Variants in APC observed in about 807,000 individuals in gnomAD.
The protein encoded by APC is adenomatous polyposis coli protein.
A neutral mutation model predicts 247.0 loss-of-function variants in APC; 72 were observed. The ratio of observed to expected loss-of-function variants is 0.29; its 90% CI spans 0.24 to 0.35. The LOEUF is 0.35. Ranked by LOEUF, APC falls within the 10% of genes least tolerant of loss-of-function variation. The probability of loss-of-function intolerance (pLI) is 1.00; values close to 1 mark genes in which losing one functional copy is unlikely to be tolerated. For synonymous variants in APC, 1,254 were observed against 1,162.5 expected (o/e 1.08, Z -1.60); for missense variants, 3,400 against 3,360.7 (o/e 1.01, Z -0.29).
chr5:112,813,252 T>A (rs1762160335), intron 8 of APC, among the ~76,000 whole-genome samples: 1 of 152,222 alleles, frequency 6.6e-6, no homozygotes, highest in African/African-American at 2.4e-5. Flanking sequence ...AATGTAGTTT[T>A]CTCTTTAAAA....
At chr5:112,814,046 G>T (rs1456498873) in intron 8 of APC, among the ~76,000 whole-genome samples, 1 of 152,130 alleles carries the variant, frequency 6.6e-6, no homozygotes, top group Non-Finnish European at 1.5e-5. Context: ...ATATTCTGTG[G>T]ATACCTACTA....
intron 1 of APC, among the ~76,000 whole-genome samples, chr5:112,724,551 C>T (rs1171656839): frequency 1.4e-5 from 2 of 144,688 alleles, no homozygotes; most frequent in Non-Finnish European, 3.0e-5. Context: ...ATACGTAATC[C>T]CAAGTGTGTG....
At chr5:112,762,418 C>A (rs1561455877) in intron 2 of APC, among the ~76,000 whole-genome samples, 1 of 152,182 alleles carries the variant, frequency 6.6e-6, no homozygotes, top group Non-Finnish European at 1.5e-5. Flanking sequence ...TAATAGCCTG[C>A]AGACTGGTAA....
intron 1 of APC, among the ~76,000 whole-genome samples, chr5:112,745,572 A>ATTT (rs908708175): frequency 1.3e-5 from 2 of 149,522 alleles, no homozygotes; most frequent in Admixed American, 1.3e-4. Context: ...TATTATTATT[A>ATTT]TTATTTTTTG....
At chr5:112,770,557 AG>A (rs892534066) in intron 4 of APC, among the ~76,000 whole-genome samples, 3 of 152,146 alleles carry the variant, frequency 2.0e-5, no homozygotes, top group African/African-American at 7.2e-5. Context: ...GGAGAGAAAG[AG>A]GTATCAACAT....
intron 1 of APC, among the ~76,000 whole-genome samples, chr5:112,720,770 TTA>T (rs1395374625): frequency 1.3e-5 from 2 of 152,130 alleles, no homozygotes; most frequent in Non-Finnish European, 2.9e-5. Flanking sequence ...CCTTTGATGT[TTA>T]TAGTTGTGAA....
At chr5:112,726,912 T>G (rs1035421816) in intron 1 of APC, among the ~76,000 whole-genome samples, 8 of 152,176 alleles carry the variant, frequency 5.3e-5, no homozygotes, top group Non-Finnish European at 1.2e-4. Flanking sequence ...TTTATTAGAT[T>G]GTCCTGATTT....
chr5:112,761,563 A>C lies in APC; in HGVS notation c.136-4763A>C, dbSNP rs975881342. On this transcript the variant is annotated intron_variant, in intron 2 of 15. Transcript: ENST00000257430. ...TGAGAAGACAGAATTAGTGAACTTG[A>C]AAAAAGATCAGTAGAAAATATTCAA... 3.3e-5 allele frequency among the ~76,000 whole-genome samples: 5 copies of C among 152,214 alleles called. No individual in the cohort carries two copies. In the South Asian group the frequency reaches 1.0e-3, roughly 32 times the overall value.
rs183518509 is a variant in APC at position 112,755,588 on chromosome 5, C to T, written c.135+563C>T. On this transcript the variant is annotated intron_variant, in intron 2 of 15. Coordinates refer to ENST00000257430, the MANE Select transcript of APC (RefSeq NM_000038.6). ...TTATTTGGCAAGTACAGGCATCACA[C>T]TAGTCTAGATGATTTCCATGGCACC... 3.3e-5 allele frequency among the ~76,000 whole-genome samples: 5 copies of T among 152,292 alleles called. No individual in the cohort carries two copies. In the East Asian group the frequency reaches 9.6e-4, roughly 29 times the overall value.
At position 112,839,326 on chromosome 5, in the gene APC, A is replaced by G. The variant is rs74380081; in HGVS notation, c.3732A>G (p.Gln1244=). Reference sequence around the variant, plus strand: ...CACAGAGTAGAAGTGGTCAGCCTCAAAAGGCTGCCACTTGCAAAGTTTCTT... The same window carrying G: ...CACAGAGTAGAAGTGGTCAGCCTCAGAAGGCTGCCACTTGCAAAGTTTCTT... ...SSAQSRSGQP[Q]KAATCKVSSI... Residue 1244 remains glutamine, a synonymous_variant, in exon 16 of 16, where the codon CAA becomes CAG. Coordinates refer to ENST00000257430, the MANE Select transcript of APC (RefSeq NM_000038.6). The surrounding 1 kb of genome is among the most constrained non-coding windows in gnomAD (Gnocchi z 5.0). 3,168 of 1,613,316 alleles carry G rather than the reference A, an allele frequency of 2.0e-3. 57 individuals carry two copies. In the African/African-American group the frequency reaches 0.036, roughly 18 times the overall value.
At chr5:112,779,634 A>T (rs946433374) in intron 5 of APC, among the ~76,000 whole-genome samples, 4 of 152,214 alleles carry the variant, frequency 2.6e-5, no homozygotes, top group Non-Finnish European at 5.9e-5. Context: ...TCAGATCTAA[A>T]CCACATTATT....
chr5:112,788,666 A>C (rs551972015), intron 6 of APC, among the ~76,000 whole-genome samples: 1 of 152,092 alleles, frequency 6.6e-6, no homozygotes. Context: ...GGTTTTGTCA[A>C]ATTCTTCACA....
intron 1 of APC, among the ~76,000 whole-genome samples, chr5:112,708,739 T>C (rs192632238): frequency 6.6e-5 from 10 of 152,366 alleles, no homozygotes; most frequent in Admixed American, 1.3e-4. Context: ...AAAAGCTTTT[T>C]AAGTTCAAAA....
intron 6 of APC, among the ~76,000 whole-genome samples, chr5:112,786,420 G>A (rs951256860): frequency 6.6e-6 from 1 of 152,130 alleles, no homozygotes; most frequent in African/African-American, 2.4e-5. Flanking sequence ...TAACTGCATG[G>A]TTATTTATTT....
At chr5:112,837,126 C>G (rs1356263589) in intron 15 of APC, among the ~76,000 whole-genome samples, 1 of 152,202 alleles carries the variant, frequency 6.6e-6, no homozygotes, top group Non-Finnish European at 1.5e-5. Context: ...AATCTTCAAT[C>G]AATTCTATCT....
Position 112,819,063 on chromosome 5 carries a change from G to C in APC, c.1031G>C (p.Cys344Ser), listed in dbSNP as rs786201840. The C allele has an allele frequency of 6.2e-7, 1 of 1,614,086 alleles. No individual in the cohort carries two copies. Among genetic ancestry groups the C allele is most frequent in the Non-Finnish European group, 8.5e-7 (1 of 1,179,996 alleles). ...LLAMSSSQDSCISMRQSGCLP... is the reference protein window; with the variant it reads ...LLAMSSSQDSSISMRQSGCLP... ...GCTATGTCTAGCTCCCAAGACAGCT[G>C]TATATCCATGCGACAGTCTGGATGT... The change falls in exon 10 of 16, where the codon TGT becomes TCT. Residue 344 changes from cysteine (C) to serine (S), a missense_variant. This residue lies in a region of APC where 199 missense variants were observed against 212.5 expected (regional missense o/e 0.94). Transcript: ENST00000257430.
chr5:112,795,156 A>T (rs2149693547), intron 7 of APC, among the ~76,000 whole-genome samples: 1 of 152,248 alleles, frequency 6.6e-6, no homozygotes, highest in South Asian at 2.1e-4. Context: ...CCTCCCTAGT[A>T]GCTGGGATTG....
rs1754444288 is a variant in APC at position 112,752,060 on chromosome 5, T to G, written c.-18-2813T>G. On this transcript the variant is annotated intron_variant, in intron 1 of 15. Transcript: ENST00000257430. Reference sequence around the variant, plus strand: ...ACTTTTTCATTGTAAATTATATTTTTCATCTCTTTTGGGATCAGTTCTGAT... The same window carrying G: ...ACTTTTTCATTGTAAATTATATTTTGCATCTCTTTTGGGATCAGTTCTGAT... Among the ~76,000 whole-genome samples the G allele has an allele frequency of 1.3e-5, 2 of 152,104 alleles. 1 individual carries two copies. The highest frequency in any genetic ancestry group is 1.3e-4 in the Admixed American group (2 of 15,266).
Position 112,838,128 on chromosome 5 carries a change from G to T in APC, c.2534G>T (p.Arg845Leu), listed in dbSNP as rs776878597. The T allele has an allele frequency of 3.7e-6, 6 of 1,614,108 alleles. No homozygotes were observed. The highest frequency in any genetic ancestry group is 4.2e-6 in the Non-Finnish European group (5 of 1,180,014). Residue 845 changes from arginine to leucine, a missense_variant, in exon 16 of 16, where the codon CGT (arginine) becomes CTT (leucine). Arg to Leu is a moderately radical substitution (Grantham distance 102). Around this residue, in one of 9 missense-constraint regions of APC, gnomAD observed 715 missense variants for 656.6 expected, o/e 1.09. Coordinates refer to ENST00000257430, the MANE Select transcript of APC (RefSeq NM_000038.6). ...TCAAGAGGAAGCTTAGATAGTTCTCGTTCTGAAAAAGATAGAAGTTTGGAG... is the reference window on the plus strand; with the variant it reads ...TCAAGAGGAAGCTTAGATAGTTCTCTTTCTGAAAAAGATAGAAGTTTGGAG... ...SSSRGSLDSSRSEKDRSLERE... is the reference protein window; with the variant it reads ...SSSRGSLDSSLSEKDRSLERE...
Sources: gnomAD v4.1 joint callset for allele counts (sites outside exome capture counted in the v4.1 genomes callset) on GRCh38, gnomAD v4.1.1 for gene constraint, gnomAD v4.1.1 regional missense constraint, Gnocchi (gnomAD v3.1) non-coding constraint, MANE v1.5 for transcripts, NCBI Gene and HGNC (gene_info 2026-07-23, HGNC 2026-07-21) for gene names.